SOX6: variants seen among roughly 807,000 people sequenced by gnomAD.
SOX6 encodes the protein transcription factor SOX-6.
A neutral mutation model predicts 97.8 loss-of-function variants in SOX6; 11 were observed. The ratio of observed to expected loss-of-function variants is 0.11; its 90% CI spans 0.07 to 0.19. SOX6 has a LOEUF of 0.19. Among genes scored for constraint, SOX6 ranks in the 10% least tolerant of loss-of-function variants. The pLI is 1.00. For synonymous variants in SOX6, 360 were observed against 371.4 expected, an observed-to-expected ratio of 0.97 and a Z score of 0.35; for missense variants, 810 against 1,039.5, an observed-to-expected ratio of 0.78 and a Z score of 3.04.
chr11:16,333,056 A>C (rs984894965), intron 2 of SOX6, among the ~76,000 whole-genome samples: 5 of 152,306 alleles, frequency 3.3e-5, no homozygotes, highest in Non-Finnish European at 7.4e-5. Flanking sequence ...AACGAGAGAC[A>C]GCCCTTTCAA....
intron 3 of SOX6, among the ~76,000 whole-genome samples, chr11:16,692,272 T>C (rs1354217140): frequency 1.3e-5 from 2 of 152,148 alleles, no homozygotes; most frequent in South Asian, 2.1e-4. Flanking sequence ...GGTTTCGCCA[T>C]GTAGGCCAGG....
At chr11:16,448,587 T>C (rs1227480470) in intron 1 of SOX6, among the ~76,000 whole-genome samples, 1 of 152,236 alleles carries the variant, frequency 6.6e-6, no homozygotes, top group African/African-American at 2.4e-5. Flanking sequence ...GACTTTCTTC[T>C]GATACTCTTA....
chr11:16,648,385 G>A (rs888327586), intron 3 of SOX6, among the ~76,000 whole-genome samples: 2 of 151,714 alleles, frequency 1.3e-5, no homozygotes, highest in Admixed American at 1.3e-4. Flanking sequence ...ACCTAATCCT[G>A]CCCCCACCTG....
chr11:16,657,786 T>A (rs1847734932), intron 3 of SOX6, among the ~76,000 whole-genome samples: 1 of 152,240 alleles, frequency 6.6e-6, no homozygotes, highest in Admixed American at 6.5e-5. Flanking sequence ...TTTAGTGAGA[T>A]GTCTATTCAG....
intron 6 of SOX6, among the ~76,000 whole-genome samples, chr11:16,150,404 T>C (rs1464809416): frequency 6.6e-6 from 1 of 152,172 alleles, no homozygotes; most frequent in East Asian, 1.9e-4. Flanking sequence ...CACTTTGGGA[T>C]GGGACGGTCA....
rs757066386 is a variant in SOX6 at position 16,604,583 on chromosome 11, G to A, written n.609+7498C>T. On this transcript the variant is annotated intron_variant and non_coding_transcript_variant, in intron 4 of 5. Coordinates refer to the SOX6 transcript ENST00000524520. The stretch of plus-strand genomic sequence containing the variant: ...CGAGCGCCCATTGACAGTACAGCGG[G>A]AGGTCCGGAGCCCAGCCCAGTTTGC... Among the ~76,000 whole-genome samples, 93 of 152,270 alleles carry A rather than the reference G, an allele frequency of 6.1e-4. 1 individual carries two copies. Among genetic ancestry groups the A allele is most frequent in the Non-Finnish European group, 1.2e-3 (80 of 68,028 alleles).
chr11:16,551,696 C>T (rs183075867), intron 4 of SOX6, among the ~76,000 whole-genome samples: 342 of 152,144 alleles, frequency 2.2e-3, no homozygotes, highest in African/African-American at 7.0e-3. Flanking sequence ...CTCCGCCTCC[C>T]GGGTTCAAGC....
At chr11:16,590,963 G>C (rs1192207618) in intron 4 of SOX6, among the ~76,000 whole-genome samples, 1 of 151,930 alleles carries the variant, frequency 6.6e-6, no homozygotes, top group Non-Finnish European at 1.5e-5. Context: ...GTAATACAAA[G>C]AAAGAAAAAA....
intron 4 of SOX6, among the ~76,000 whole-genome samples, chr11:16,519,792 T>C (rs1361004728): frequency 2.0e-5 from 3 of 152,282 alleles, no homozygotes; most frequent in South Asian, 2.1e-4. Flanking sequence ...CTGTTTTCCA[T>C]AGAGGTTAAT....
chr11:16,325,301 G>A (rs575407848), intron 2 of SOX6, among the ~76,000 whole-genome samples: 28 of 152,120 alleles, frequency 1.8e-4, no homozygotes, highest in Non-Finnish European at 3.4e-4. Flanking sequence ...ATTTATATGT[G>A]TGCATAAGTG....
At chr11:16,569,761 C>T (rs1169879942) in intron 4 of SOX6, among the ~76,000 whole-genome samples, 2 of 149,686 alleles carry the variant, frequency 1.3e-5, no homozygotes, top group African/African-American at 4.9e-5. Context: ...CCCAGCTACT[C>T]GGGAGGCTGA....
intron 3 of SOX6, among the ~76,000 whole-genome samples, chr11:16,293,972 T>C (rs1854992146): frequency 2.6e-5 from 4 of 151,888 alleles, no homozygotes. Context: ...TTTCTCTTTC[T>C]ACACATAAAC....
At chr11:16,669,836 C>G (rs11517759) in intron 3 of SOX6, among the ~76,000 whole-genome samples, 4 of 151,952 alleles carry the variant, frequency 2.6e-5, no homozygotes, top group African/African-American at 7.3e-5. Context: ...ACCCTGCCCC[C>G]ACCTGATCAC....
intron 4 of SOX6, among the ~76,000 whole-genome samples, chr11:16,540,799 C>A (rs990575204): frequency 6.6e-6 from 1 of 152,040 alleles, no homozygotes; most frequent in African/African-American, 2.4e-5. Context: ...GAACTACAAA[C>A]CACTGCTCAA....
chr11:16,703,468 G>A (rs564692998), intron 3 of SOX6, among the ~76,000 whole-genome samples: 19 of 152,108 alleles, frequency 1.2e-4, no homozygotes, highest in African/African-American at 4.6e-4. Flanking sequence ...TTCTAGTCCC[G>A]AAATTTTTTT....
intron 1 of SOX6, among the ~76,000 whole-genome samples, chr11:16,348,981 T>C (rs1256442224): frequency 6.6e-6 from 1 of 152,148 alleles, no homozygotes; most frequent in Non-Finnish European, 1.5e-5. Context: ...TCTAGAATTC[T>C]CATCCAAATT....
At chr11:16,697,770 G>C (rs1848065105) in intron 3 of SOX6, among the ~76,000 whole-genome samples, 1 of 152,216 alleles carries the variant, frequency 6.6e-6, no homozygotes, top group Non-Finnish European at 1.5e-5. Flanking sequence ...GTGTTAGCAG[G>C]CATGAAAACA....
At chr11:16,412,309 G>A (rs573953055) in intron 1 of SOX6, among the ~76,000 whole-genome samples, 4 of 152,068 alleles carry the variant, frequency 2.6e-5, no homozygotes, top group African/African-American at 7.2e-5. Flanking sequence ...AGAATAAATC[G>A]CAAATATTAG....
At chr11:15,976,799 C>A (rs929270144) in intron 15 of SOX6, among the ~76,000 whole-genome samples, 2 of 152,082 alleles carry the variant, frequency 1.3e-5, no homozygotes, top group African/African-American at 4.8e-5. Flanking sequence ...CCCTAACTCC[C>A]TCCTTTCTCT....
Sources: gnomAD v4.1 joint callset for allele counts (sites outside exome capture counted in the v4.1 genomes callset) on GRCh38, gnomAD v4.1.1 for gene constraint, MANE v1.5 for transcripts, NCBI Gene and HGNC (gene_info 2026-07-23, HGNC 2026-07-21) for gene names.